The following FBXO36 variants were observed in gnomAD, a reference collection of about 807,000 sequenced individuals.
The protein encoded by FBXO36 is F-box only protein 36.
FBXO36 carries 18 observed loss-of-function variants against 17.0 expected under a neutral mutation model. The observed-to-expected ratio is 1.06, with a 90% CI of 0.73 to 1.57. The LOEUF (loss-of-function observed/expected upper bound fraction) is 1.57, where lower values mean the gene tolerates loss of function less well. Ranked by LOEUF, FBXO36 falls within the 40% of genes most tolerant of loss-of-function variation. FBXO36 has a pLI of 0.00. For missense variants in FBXO36, 229 were observed against 221.9 expected (o/e 1.03, Z -0.20); for synonymous variants, 83 against 85.3 (o/e 0.97, Z 0.15).
chr2:229,975,075 C>A (rs1257343810), intron 1 of FBXO36, among the ~76,000 whole-genome samples: 2 of 152,180 alleles, frequency 1.3e-5, no homozygotes, highest in African/African-American at 2.4e-5. Context: ...TCATCAGGCC[C>A]ATTAATTGAC....
chr2:229,972,917 C>T (rs2077188133), intron 1 of FBXO36, among the ~76,000 whole-genome samples: 1 of 151,802 alleles, frequency 6.6e-6, no homozygotes, highest in Admixed American at 6.6e-5. Context: ...CAAAAATTAG[C>T]CAGGCGTGGT....
chr2:229,966,859 T>C (rs899503095), intron 1 of FBXO36, among the ~76,000 whole-genome samples: 1 of 152,200 alleles, frequency 6.6e-6, no homozygotes, highest in African/African-American at 2.4e-5. Flanking sequence ...GACTTGGCAA[T>C]GTGAGCTCTT....
Position 229,987,298 on chromosome 2 carries a change from A to C in FBXO36, c.206-9453A>C, listed in dbSNP as rs1355697666. Reference sequence around the variant, plus strand: ...TGTCCTATTTACTTCATTTCATCTAAATTGTCACTTTTTTGTTGTAATCTG... The same window carrying C: ...TGTCCTATTTACTTCATTTCATCTACATTGTCACTTTTTTGTTGTAATCTG... On this transcript the variant is annotated intron_variant, in intron 2 of 3. Transcript: ENST00000283946. 2.0e-5 allele frequency among the ~76,000 whole-genome samples: 3 copies of C among 151,604 alleles called. No homozygotes were observed. The East Asian group carries it at 5.8e-4, about 29-fold the overall frequency.
chr2:229,989,608 C>T (rs1010826959), intron 2 of FBXO36, among the ~76,000 whole-genome samples: 8 of 151,446 alleles, frequency 5.3e-5, no homozygotes, highest in African/African-American at 1.9e-4. Flanking sequence ...CTAGCCAAGG[C>T]TGGAGTGCAG....
intron 1 of FBXO36, among the ~76,000 whole-genome samples, chr2:229,933,249 G>T (rs115494481): frequency 1.3e-5 from 2 of 152,138 alleles, no homozygotes; most frequent in South Asian, 2.1e-4. Context: ...TTAGCCAGGC[G>T]TGGCGGTAGA....
At chr2:229,950,717 A>T (rs921565065) in intron 1 of FBXO36, among the ~76,000 whole-genome samples, 2 of 152,000 alleles carry the variant, frequency 1.3e-5, no homozygotes, top group Non-Finnish European at 2.9e-5. Context: ...ATAGGGAAAA[A>T]AATCATATTG....
intron 1 of FBXO36, among the ~76,000 whole-genome samples, chr2:229,931,846 A>G (rs977113731): frequency 6.6e-6 from 1 of 152,174 alleles, no homozygotes; most frequent in Admixed American, 6.5e-5. Context: ...TCTCAAAAAA[A>G]TAAAATATAA....
chr2:229,964,677 C>T (rs1385144764), intron 1 of FBXO36, among the ~76,000 whole-genome samples: 3 of 152,142 alleles, frequency 2.0e-5, no homozygotes, highest in South Asian at 2.1e-4. Flanking sequence ...CCTGCCACCA[C>T]GCCCGATTAT....
rs186901304 is a variant in FBXO36 at position 229,990,955 on chromosome 2, G to A, written c.206-5796G>A. Among the ~76,000 whole-genome samples the A allele has an allele frequency of 5.7e-3, 672 of 118,114 alleles. 8 individuals carry two copies. The highest frequency in any genetic ancestry group is 0.018 in the African/African-American group (558 of 31,482). 77.5% of individuals were successfully genotyped at this position (118,114 alleles called of 152,430 possible). A position where few individuals can be genotyped will look rare whatever the true frequency, so the allele number is the denominator to read the frequency against. On this transcript the variant is annotated intron_variant, in intron 2 of 3. Coordinates refer to ENST00000283946, the MANE Select transcript of FBXO36 (RefSeq NM_174899.5). ...TTCTTTCTTTTTTTTCCCCTCCCCC[G>A]CCCCGAGTTGGGAGTCTCACTCTGT... is the stretch of plus-strand genomic sequence containing the variant.
intron 3 of FBXO36, among the ~76,000 whole-genome samples, chr2:229,999,900 C>T (rs2077349119): frequency 6.6e-6 from 1 of 151,992 alleles, no homozygotes. Flanking sequence ...CTATTGTTTC[C>T]TTCTTTGTAT....
intron 1 of FBXO36, among the ~76,000 whole-genome samples, chr2:229,965,353 T>C (rs550070030): frequency 6.6e-6 from 1 of 150,802 alleles, no homozygotes; most frequent in Non-Finnish European, 1.5e-5. Context: ...TTTTTCTTTT[T>C]TATTTATTTA....
chr2:230,008,547 A>G (rs1045483849), intron 3 of FBXO36, among the ~76,000 whole-genome samples: 2 of 152,230 alleles, frequency 1.3e-5, no homozygotes, highest in Non-Finnish European at 1.5e-5. Context: ...ATAAAATTTG[A>G]TGAGTCATAA....
chr2:229,971,384 A>G (rs1001070873), intron 1 of FBXO36, among the ~76,000 whole-genome samples: 10 of 151,954 alleles, frequency 6.6e-5, no homozygotes, highest in African/African-American at 2.4e-4. Context: ...AGAACAAACA[A>G]AAAACAAGTG....
At chr2:229,976,376 C>T (rs757371189) in intron 2 of FBXO36, 27 bp downstream of exon 2, 2 of 1,462,846 alleles carry the variant, frequency 1.4e-6, no homozygotes, top group Non-Finnish European at 1.9e-6. Context: ...ATTATATACC[C>T]CTGTTAAGTT....
intron 1 of FBXO36, among the ~76,000 whole-genome samples, chr2:229,958,705 A>T (rs1017707254): frequency 6.6e-6 from 1 of 152,126 alleles, no homozygotes; most frequent in Non-Finnish European, 1.5e-5. Context: ...TGCACTTGGG[A>T]GTGATGTCTC....
In FBXO36 at chr2:229,922,537, T is replaced by C. The variant is rs1402173055; in HGVS notation, c.24T>C (p.Thr8=). ...AGATGGCGTCGTGGCTGCCGGAGAC[T>C]CTCTTTGAAACTGTAGGACAAGGCC... MASWLPE[T]LFETVGQGPP... The change falls in exon 1 of 4, where the codon ACT becomes ACC. Residue 8 remains threonine, a synonymous_variant. Transcript: ENST00000283946. 3.7e-6 allele frequency: 6 copies of C among 1,613,812 alleles called. No individual in the cohort carries two copies. The highest frequency in any genetic ancestry group is 5.1e-6 in the Non-Finnish European group (6 of 1,179,930).
At position 229,922,576 on chromosome 2, in the gene FBXO36, A is replaced by G. The variant is rs1469709984; in HGVS notation, c.63A>G (p.Lys21=). The G allele has an allele frequency of 1.2e-6, 2 of 1,614,102 alleles. No individual in the cohort carries two copies. Among genetic ancestry groups the G allele is most frequent in the Non-Finnish European group, 1.7e-6 (2 of 1,180,014 alleles). ...TAGGACAAGGCCCGCCGCCTAGCAA[A>G]GACTATTACCAGTTACTGGTCACCC... ...ETVGQGPPPS[K]DYYQLLVTRS... Residue 21 remains lysine (K), a synonymous_variant, in exon 1 of 4, where the codon AAA becomes AAG. Coordinates refer to ENST00000283946, the MANE Select transcript of FBXO36 (RefSeq NM_174899.5).
rs529806874 is a variant in FBXO36, at chr2:230,001,456, T to G, written c.378+4533T>G. Among the ~76,000 whole-genome samples the G allele has an allele frequency of 2.6e-5, 4 of 151,986 alleles. No homozygotes were observed. In the South Asian group the frequency reaches 6.2e-4, roughly 24 times the overall value. Reference sequence around the variant, plus strand: ...GCACCCACCACTGTGCCTGGCTAATTTTTGTATTTTTAGTAGACACGGGGT... The same window carrying G: ...GCACCCACCACTGTGCCTGGCTAATGTTTGTATTTTTAGTAGACACGGGGT... On this transcript the variant is annotated intron_variant, in intron 3 of 3. Coordinates refer to ENST00000283946, the MANE Select transcript of FBXO36 (RefSeq NM_174899.5).
Position 230,010,988 on chromosome 2 carries a change from A to C in FBXO36, c.*104A>C. ...TCTTAAGAACTAAGAGGTTTTGTTG[A>C]TGCGTGGAGCCATTTGAAACTCGTA... On this transcript the variant is annotated 3_prime_UTR_variant, in exon 4 of 4. Coordinates refer to ENST00000283946, the MANE Select transcript of FBXO36 (RefSeq NM_174899.5). 1 of 1,227,568 alleles carries C rather than the reference A, an allele frequency of 8.1e-7. No individual in the cohort carries two copies. 76.0% of individuals were successfully genotyped at this position (1,227,568 alleles called of 1,614,324 possible). A position where few individuals can be genotyped will look rare whatever the true frequency, so the allele number is the denominator to read the frequency against.
Sources: gnomAD v4.1 joint callset for allele counts (sites outside exome capture counted in the v4.1 genomes callset) on GRCh38, gnomAD v4.1.1 for gene constraint, MANE v1.5 for transcripts, NCBI Gene and HGNC (gene_info 2026-07-23, HGNC 2026-07-21) for gene names.